Variants in APOBR observed in about 807,000 individuals in gnomAD.
The protein encoded by APOBR is apolipoprotein B receptor, also known as apoB-48R.
Under a neutral mutation model 88.5 loss-of-function variants are expected in APOBR, and 57 were observed. The ratio of observed to expected loss-of-function variants is 0.64; its 90% CI spans 0.52 to 0.80. The LOEUF (loss-of-function observed/expected upper bound fraction) is 0.80, where lower values mean the gene tolerates loss of function less well. Ranked by LOEUF, APOBR falls within the 30% of genes least tolerant of loss-of-function variation. The probability of loss-of-function intolerance (pLI) is 0.00; values close to 1 mark genes in which losing one functional copy is unlikely to be tolerated. For synonymous variants in APOBR, 588 were observed against 572.7 expected, an observed-to-expected ratio of 1.03 and a Z score of -0.38; for missense variants, 1,443 against 1,401.6, an observed-to-expected ratio of 1.03 and a Z score of -0.47.
chr16:28,495,441 G>A lies in APOBR; in HGVS notation c.400G>A (p.Ala134Thr), dbSNP rs751288222. 39 of 1,560,922 alleles carry A rather than the reference G, an allele frequency of 2.5e-5. 1 individual carries two copies. The highest frequency in any genetic ancestry group is 8.3e-5 in the South Asian group (7 of 84,664). The stretch of plus-strand genomic sequence containing the variant: ...GGCTGCCAGGTGCCAGGAGCCAAGC[G>A]CCCACTTGGAGGCCAGAAAGAAATC... ...AKAARCQEPS[A>T]HLEARKKSKA... Residue 134 changes from alanine (A) to threonine (T), a missense_variant, in exon 2 of 4, where the codon GCC (alanine) becomes ACC (threonine). Physicochemically the swap from Ala to Thr is moderately conservative, Grantham distance 58 (BLOSUM62 0). Transcript: ENST00000564831.
chr16:28,495,104 C>T lies in APOBR; in HGVS notation c.63C>T (p.Ser21=). ...CTCTCTCTCTTTTTTCCTAGGATTC[C>T]CTCGGCACCTTTGTCTCCTACCTCC... The part of the protein sequence containing the change: ...LHQALRGALD[S]LGTFVSYLLG... The change falls in exon 2 of 4, where the codon TCC becomes TCT. Residue 21 remains serine (S), a synonymous_variant. Transcript: ENST00000564831. 3 of 1,509,468 alleles carry T rather than the reference C, an allele frequency of 2.0e-6. No individual in the cohort carries two copies. Among genetic ancestry groups the T allele is most frequent in the Non-Finnish European group, 2.7e-6 (3 of 1,130,158 alleles). 93.5% of individuals were successfully genotyped at this position (1,509,468 alleles called of 1,614,324 possible). A position where few individuals can be genotyped will look rare whatever the true frequency, so the allele number is the denominator to read the frequency against.
At position 28,494,703 on chromosome 16, in the gene APOBR, C is replaced by T. The variant is rs748300390; in HGVS notation, c.22C>T (p.Leu8Phe). The T allele has an allele frequency of 1.2e-6, 2 of 1,612,442 alleles. No homozygotes were observed. Among genetic ancestry groups the T allele is most frequent in the East Asian group, 2.2e-5 (1 of 44,838 alleles). The change falls in exon 1 of 4, where the codon CTC (leucine) becomes TTC (phenylalanine). Residue 8 changes from leucine (L) to phenylalanine (F), a missense_variant. By Grantham distance (22) the Leu-to-Phe change is conservative. Transcript: ENST00000564831. MDFLRLY[L>F]PGLHQALRGA... The stretch of plus-strand genomic sequence containing the variant: ...CAGGATGGACTTCCTCCGGCTATAC[C>T]TCCCTGGGCTGCACCAGGCCTTGAG...
rs369807816 is a variant in APOBR at position 28,497,944 on chromosome 16, C to T, written c.2903C>T (p.Thr968Met). ...CCGGAGTCAGTCGGGGAAGCCGAGA[C>T]GGCTGAGGCCATGGGCAGTGCCAGA... ...AAPESVGEAE[T>M]AEAMGSARGG... The change falls in exon 2 of 4, where the codon ACG becomes ATG. Residue 968 changes from threonine to methionine, a missense_variant. Transcript: ENST00000564831. The T allele has an allele frequency of 4.0e-5, 64 of 1,612,722 alleles. No individual in the cohort carries two copies. Among genetic ancestry groups the T allele is most frequent in the Admixed American group, 5.0e-5 (3 of 59,884 alleles).
At position 28,496,129 on chromosome 16, in the gene APOBR, CCGGGACAGCCTCAGGAGGGG is replaced by C; in HGVS notation, c.1089_1108del (p.Gly364ArgfsTer12). Reference sequence around the variant, plus strand: ...GGGACAGCCTCAGGAGGGGAGGAGGCCGGGACAGCCTCAGGAGGGGACGAGGCCTGGACAACCTCAGGCAA... The same window carrying C: ...GGGACAGCCTCAGGAGGGGAGGAGGCACGAGGCCTGGACAACCTCAGGCAA... On this transcript the variant is annotated frameshift_variant, in exon 2 of 4. Transcript: ENST00000564831. LOFTEE classifies it high-confidence loss of function. The C allele has an allele frequency of 6.5e-7, 1 of 1,530,398 alleles. No homozygotes were observed. 94.8% of individuals were successfully genotyped at this position (1,530,398 alleles called of 1,614,324 possible).
chr16:28,496,513 C>G lies in APOBR; in HGVS notation c.1472C>G (p.Ala491Gly). ...DRARMEELVQAEEAQEERGSS... is the reference protein window; with the variant it reads ...DRARMEELVQGEEAQEERGSS... Reference sequence around the variant, plus strand: ...GCCAGGATGGAAGAGCTGGTACAGGCAGAGGAGGCCCAGGAGGAGAGAGGG... The same window carrying G: ...GCCAGGATGGAAGAGCTGGTACAGGGAGAGGAGGCCCAGGAGGAGAGAGGG... The change falls in exon 2 of 4, where the codon GCA (alanine) becomes GGA (glycine). Residue 491 changes from alanine to glycine, a missense_variant. Physicochemically the swap from Ala to Gly is moderately conservative, Grantham distance 60. Transcript: ENST00000564831. 1 of 1,584,424 alleles carries G rather than the reference C, an allele frequency of 6.3e-7. No individual in the cohort carries two copies. The highest frequency in any genetic ancestry group is 1.2e-5 in the South Asian group (1 of 86,478).
At position 28,497,755 on chromosome 16, in the gene APOBR, G is replaced by A. The variant is rs1384420290; in HGVS notation, c.2714G>A (p.Gly905Glu). 4.4e-6 allele frequency: 7 copies of A among 1,604,094 alleles called. No individual in the cohort carries two copies. Among genetic ancestry groups the A allele is most frequent in the South Asian group, 3.4e-5 (3 of 89,518 alleles). The change falls in exon 2 of 4, where the codon GGG (glycine) becomes GAG (glutamate). Residue 905 changes from glycine (G) to glutamate (E), a missense_variant. Gly to Glu is a moderately conservative substitution (Grantham distance 98). Coordinates refer to ENST00000564831, the MANE Select transcript of APOBR (RefSeq NM_018690.4). The part of the protein sequence containing the change: ...EQREDSEGRC[G>E]DYHPEGEAPR... ...AGGGAAGACAGTGAGGGGCGGTGTG[G>A]GGACTACCACCCTGAGGGAGAGGCA...
Position 28,497,116 on chromosome 16 carries a change from A to G in APOBR, c.2075A>G (p.Glu692Gly), listed in dbSNP as rs747014701. 49 of 1,604,986 alleles carry G rather than the reference A, an allele frequency of 3.1e-5. No individual in the cohort carries two copies. The Admixed American group carries it at 8.1e-4, about 26-fold the overall frequency. The change falls in exon 2 of 4, where the codon GAG (glutamate) becomes GGG (glycine). Residue 692 changes from glutamate to glycine, a missense_variant. Coordinates refer to ENST00000564831, the MANE Select transcript of APOBR (RefSeq NM_018690.4). ...CAGGACGCGGGATGTGGAACTGAGG[A>G]GGGAGAGGCATCTGTCTCAGAGAAC... ...TTQDAGCGTE[E>G]GEASVSENQE... is the part of the protein sequence containing the mutation.
Position 28,495,915 on chromosome 16 carries a change from G to A in APOBR, c.874G>A (p.Ala292Thr). The A allele has an allele frequency of 6.2e-7, 1 of 1,612,958 alleles. No individual in the cohort carries two copies. Among genetic ancestry groups the A allele is most frequent in the Non-Finnish European group, 8.5e-7 (1 of 1,179,516 alleles). The change falls in exon 2 of 4, where the codon GCC becomes ACC. Residue 292 changes from alanine (A) to threonine (T), a missense_variant. Coordinates refer to ENST00000564831, the MANE Select transcript of APOBR (RefSeq NM_018690.4). ...EARTTPGREE[A>T]RAILDGEEAR... ...CAGGACAACCCCAGGTAGGGAAGAG[G>A]CCAGGGCAATTTTAGATGGGGAGGA...
chr16:28,496,040 AGGGG>A lies in APOBR; in HGVS notation c.1000_1003del (p.Gly334ArgfsTer5), dbSNP rs2046388952. Reference sequence around the variant, plus strand: ...GGGAGGAGGCCGGGACAGCCTCGGGAGGGGAGGAGGCCGGGATAGCCTCAGGCGG... The same window carrying A: ...GGGAGGAGGCCGGGACAGCCTCGGGAAGGAGGCCGGGATAGCCTCAGGCGG... On this transcript the variant is annotated frameshift_variant, in exon 2 of 4. Coordinates refer to ENST00000564831, the MANE Select transcript of APOBR (RefSeq NM_018690.4). LOFTEE classifies it high-confidence loss of function. 6.8e-7 allele frequency: 1 copy of A among 1,469,294 alleles called. No homozygotes were observed. Among genetic ancestry groups the A allele is most frequent in the African/African-American group, 1.6e-5 (1 of 61,176 alleles). The allele number at this position is 1,469,294 out of a possible 1,614,324, so 91.0% of individuals were successfully genotyped here. A position where few individuals can be genotyped will look rare whatever the true frequency, so the allele number is the denominator to read the frequency against.
rs1177980039 is a variant in APOBR, at chr16:28,497,317, C to T, written c.2276C>T (p.Ser759Phe). 2 of 1,601,758 alleles carry T rather than the reference C, an allele frequency of 1.2e-6. No homozygotes were observed. The highest frequency in any genetic ancestry group is 3.5e-5 in the Admixed American group (2 of 57,076). ...GACCGTGAGGATGCACAGACTGGCT[C>T]TGTGGCTGCTGGGATTATGGGGGGT... ...LPDREDAQTG[S>F]VAAGIMGGDV... The change falls in exon 2 of 4, where the codon TCT becomes TTT. Residue 759 changes from serine (S) to phenylalanine (F), a missense_variant. Physicochemically the swap from Ser to Phe is radical, Grantham distance 155. Coordinates refer to ENST00000564831, the MANE Select transcript of APOBR (RefSeq NM_018690.4).
intron 1 of APOBR, 107 bp from the exon 2 acceptor site, chr16:28,494,992 G>A (rs186889603): frequency 8.6e-7 from 1 of 1,162,734 alleles, no homozygotes; most frequent in East Asian, 2.6e-5. Flanking sequence ...TCTCCTTTCA[G>A]ATCCCAGTAC....
Position 28,497,184 on chromosome 16 carries a change from C to A in APOBR, c.2143C>A (p.Pro715Thr). The A allele has an allele frequency of 2.5e-6, 4 of 1,600,574 alleles. No individual in the cohort carries two copies. The highest frequency in any genetic ancestry group is 2.6e-6 in the Non-Finnish European group (3 of 1,174,140). ...CACAGGGGCAGACGCAGGGCCTTGCCCGTCACTGGGAGAGGCCTATGCCAG... is the reference window on the plus strand; with the variant it reads ...CACAGGGGCAGACGCAGGGCCTTGCACGTCACTGGGAGAGGCCTATGCCAG... ...GSTGADAGPCPSLGEAYARET... is the reference protein window; with the variant it reads ...GSTGADAGPCTSLGEAYARET... Residue 715 changes from proline (P) to threonine (T), a missense_variant, in exon 2 of 4, where the codon CCG (proline) becomes ACG (threonine). Transcript: ENST00000564831.
rs1340124667 is a variant in APOBR, at chr16:28,498,135, C to T, written c.3010C>T (p.Leu1004Phe). 2 of 1,597,808 alleles carry T rather than the reference C, an allele frequency of 1.3e-6. No homozygotes were observed. The highest frequency in any genetic ancestry group is 2.7e-5 in the African/African-American group (2 of 74,964). Reference protein sequence around the residue: ...DVSVPRSRVHLSRSSSQRRSR... With the variant: ...DVSVPRSRVHFSRSSSQRRSR... Reference sequence around the variant, plus strand: ...CTCTGTCCCAAGGAGTCGCGTGCACCTCTCGAGAAGCTCCTCACAGCGTCG... The same window carrying T: ...CTCTGTCCCAAGGAGTCGCGTGCACTTCTCGAGAAGCTCCTCACAGCGTCG... The change falls in exon 3 of 4, where the codon CTC (leucine) becomes TTC (phenylalanine). Residue 1004 changes from leucine (L) to phenylalanine (F), a missense_variant. Leu to Phe is a conservative substitution (Grantham distance 22, BLOSUM62 0). Coordinates refer to ENST00000564831, the MANE Select transcript of APOBR (RefSeq NM_018690.4).
rs370603734 is a variant in APOBR at position 28,497,104 on chromosome 16, G to T, written c.2063G>T (p.Cys688Phe). Residue 688 changes from cysteine to phenylalanine, a missense_variant, in exon 2 of 4, where the codon TGT becomes TTT. Cys to Phe is a radical substitution (Grantham distance 205). Transcript: ENST00000564831. ...GEGLTTQDAG[C>F]GTEEGEASVS... Reference sequence around the variant, plus strand: ...GGGCTGACAACCCAGGACGCGGGATGTGGAACTGAGGAGGGAGAGGCATCT... The same window carrying T: ...GGGCTGACAACCCAGGACGCGGGATTTGGAACTGAGGAGGGAGAGGCATCT... The T allele has an allele frequency of 6.2e-7, 1 of 1,602,774 alleles. No individual in the cohort carries two copies. Among genetic ancestry groups the T allele is most frequent in the African/African-American group, 1.3e-5 (1 of 74,898 alleles).
In APOBR at chr16:28,497,749, G is replaced by A. The variant is rs757207362; in HGVS notation, c.2708G>A (p.Arg903Gln). 27 of 1,604,100 alleles carry A rather than the reference G, an allele frequency of 1.7e-5. No homozygotes were observed. In the East Asian group the frequency reaches 2.5e-4, roughly 15 times the overall value. Residue 903 changes from arginine to glutamine, a missense_variant, in exon 2 of 4, where the codon CGG becomes CAG. Physicochemically the swap from Arg to Gln is conservative, Grantham distance 43. Coordinates refer to ENST00000564831, the MANE Select transcript of APOBR (RefSeq NM_018690.4). ...EREQREDSEGRCGDYHPEGEA... is the reference protein window; with the variant it reads ...EREQREDSEGQCGDYHPEGEA... ...GAACAGAGGGAAGACAGTGAGGGGCGGTGTGGGGACTACCACCCTGAGGGA... is the reference window on the plus strand; with the variant it reads ...GAACAGAGGGAAGACAGTGAGGGGCAGTGTGGGGACTACCACCCTGAGGGA...
Position 28,498,285 on chromosome 16 carries a change from G to GAGCCA in APOBR, c.3165_3169dup (p.Pro1057GlnfsTer4), listed in dbSNP as rs1168872907. On this transcript the variant is annotated frameshift_variant, in exon 3 of 4. Coordinates refer to ENST00000564831, the MANE Select transcript of APOBR (RefSeq NM_018690.4). LOFTEE classifies it high-confidence loss of function. Reference sequence around the variant, plus strand: ...ACCCCTCCAGCTGGAGGAACCCCTGGAGCCAAGCCCTCTGAGGCATGATGG... The same window carrying GAGCCA: ...ACCCCTCCAGCTGGAGGAACCCCTGGAGCCAAGCCAAGCCCTCTGAGGCATGATGG... 1 of 1,604,222 alleles carries GAGCCA rather than the reference G, an allele frequency of 6.2e-7. No homozygotes were observed. Among genetic ancestry groups the GAGCCA allele is most frequent in the East Asian group, 2.2e-5 (1 of 44,506 alleles).
In APOBR at chr16:28,497,029, A is replaced by G; in HGVS notation, c.1988A>G (p.Glu663Gly). Residue 663 changes from glutamate to glycine, a missense_variant, in exon 2 of 4, where the codon GAA becomes GGA. Coordinates refer to ENST00000564831, the MANE Select transcript of APOBR (RefSeq NM_018690.4). ...AGGQTLAAEAEGDRESELSEV... is the reference protein window; with the variant it reads ...AGGQTLAAEAGGDRESELSEV... The stretch of plus-strand genomic sequence containing the variant: ...GGCCAGACCCTGGCGGCTGAGGCTG[A>G]AGGAGACCGAGAGTCTGAACTATCA... 2 of 1,583,124 alleles carry G rather than the reference A, an allele frequency of 1.3e-6. No homozygotes were observed. The highest frequency in any genetic ancestry group is 1.2e-5 in the South Asian group (1 of 86,668).
Position 28,498,745 on chromosome 16 carries a change from C to T in APOBR, c.*240C>T, listed in dbSNP as rs573020200. 1 of 594,434 alleles carries T rather than the reference C, an allele frequency of 1.7e-6. No individual in the cohort carries two copies. Among genetic ancestry groups the T allele is most frequent in the South Asian group, 2.0e-5 (1 of 49,876 alleles). The allele number at this position is 594,434 out of a possible 1,614,324, so 36.8% of individuals were successfully genotyped here. A position where few individuals can be genotyped will look rare whatever the true frequency, so the allele number is the denominator to read the frequency against. ...CACCTACCCCACTGAGACCACCTCT[C>T]AGGGTGCCTGCCCTGGTTCCTCCCC... On this transcript the variant is annotated 3_prime_UTR_variant, in exon 4 of 4. Coordinates refer to ENST00000564831, the MANE Select transcript of APOBR (RefSeq NM_018690.4).
Position 28,494,832 on chromosome 16 carries a change from CCTT to C in APOBR, c.57+97_57+99del, listed in dbSNP as rs1178497251. The C allele has an allele frequency of 3.1e-5, 38 of 1,211,196 alleles. No individual in the cohort carries two copies. The East Asian group carries it at 4.8e-4, about 15-fold the overall frequency. The allele number at this position is 1,211,196 out of a possible 1,614,324, so 75.0% of individuals were successfully genotyped here. A position where few individuals can be genotyped will look rare whatever the true frequency, so the allele number is the denominator to read the frequency against. ...CCTGGGGCCTCACCTTTCCCCTCCT[CCTT>C]CTGATCTCCTCAAACTGGAGATTGC... On this transcript the variant is annotated intron_variant, in intron 1 of 3. Transcript: ENST00000564831.
Sources: allele counts gnomAD v4.1 joint callset, GRCh38; gene constraint gnomAD v4.1.1; transcripts MANE v1.5; gene names NCBI Gene and HGNC (gene_info 2026-07-23, HGNC 2026-07-21).